Variants in PARD3B observed in about 807,000 individuals in gnomAD.
PARD3B encodes the protein par-3 family cell polarity regulator beta.
A neutral mutation model predicts 130.2 loss-of-function variants in PARD3B; 103 were observed. The ratio of observed to expected loss-of-function variants is 0.79; its 90% confidence interval spans 0.67 to 0.93. PARD3B has a LOEUF of 0.93. Ranked by LOEUF, PARD3B falls within the 40% of genes least tolerant of loss-of-function variation. PARD3B has a pLI of 0.00. For missense variants in PARD3B, 1,609 were observed against 1,499.2 expected (o/e 1.07, Z -1.21); for synonymous variants, 583 against 553.2 (o/e 1.05, Z -0.76).
intron 16 of PARD3B, among the ~76,000 whole-genome samples, chr2:205,279,185 G>T (rs539357592): frequency 6.7e-6 from 1 of 148,276 alleles, no homozygotes; most frequent in Admixed American, 6.8e-5. Context: ...GCCGAAATAA[G>T]TGGTCATGTT....
At chr2:204,994,547 G>T (rs1345675808) in intron 3 of PARD3B, among the ~76,000 whole-genome samples, 3 of 145,370 alleles carry the variant, frequency 2.1e-5, no homozygotes, top group African/African-American at 7.6e-5. Context: ...TGAAAAAAAT[G>T]TATATTCTGT....
chr2:204,969,268 C>T (rs546439518), intron 3 of PARD3B, among the ~76,000 whole-genome samples: 27 of 152,296 alleles, frequency 1.8e-4, no homozygotes, highest in African/African-American at 5.1e-4. Context: ...TCAATGGATG[C>T]TTGATTCTAG....
intron 2 of PARD3B, among the ~76,000 whole-genome samples, chr2:204,737,886 G>A (rs2039828735): frequency 6.6e-6 from 1 of 152,014 alleles, no homozygotes; most frequent in Non-Finnish European, 1.5e-5. Context: ...GTACATATTT[G>A]GCTTTATTTC....
chr2:205,359,727 C>T (rs1279942807), intron 18 of PARD3B, among the ~76,000 whole-genome samples: 1 of 152,082 alleles, frequency 6.6e-6, no homozygotes, highest in Non-Finnish European at 1.5e-5. Context: ...ATATCTCTTT[C>T]ACACAATTTT....
chr2:205,522,314 G>A (rs1197041841), intron 21 of PARD3B, among the ~76,000 whole-genome samples: 605 of 151,364 alleles, frequency 4.0e-3, no homozygotes, highest in African/African-American at 0.014. Flanking sequence ...AAATATTAAA[G>A]ACTTTATTTT....
At chr2:205,472,208 A>G (rs1191360095) in intron 20 of PARD3B, among the ~76,000 whole-genome samples, 1 of 152,186 alleles carries the variant, frequency 6.6e-6, no homozygotes, top group Admixed American at 6.6e-5. Context: ...TCCTCGACCA[A>G]TGAAGTCATG....
intron 3 of PARD3B, among the ~76,000 whole-genome samples, chr2:205,033,325 TAA>T (rs1461026194): frequency 6.6e-6 from 1 of 152,216 alleles, no homozygotes; most frequent in East Asian, 1.9e-4. Context: ...CATATATTTA[TAA>T]GTTACAAATA....
intron 10 of PARD3B, among the ~76,000 whole-genome samples, chr2:205,150,734 T>C (rs939341645): frequency 6.6e-6 from 1 of 152,118 alleles, no homozygotes; most frequent in African/African-American, 2.4e-5. Context: ...TGGAATTTCT[T>C]GAGGGTCAAA....
intron 14 of PARD3B, among the ~76,000 whole-genome samples, chr2:205,192,128 G>A (rs13397997): frequency 0.14 from 20,777 of 152,152 alleles, 1,805 homozygotes; most frequent in East Asian, 0.27. Flanking sequence ...CTTGAAAGCA[G>A]TATTGAATAT....
At chr2:204,763,252 G>C (rs2040988483) in intron 2 of PARD3B, among the ~76,000 whole-genome samples, 2 of 152,178 alleles carry the variant, frequency 1.3e-5, no homozygotes. Flanking sequence ...ACCTAAATCT[G>C]ATTTAGCTAA....
intron 2 of PARD3B, among the ~76,000 whole-genome samples, chr2:204,692,596 C>T (rs374636715): frequency 1.3e-5 from 2 of 151,772 alleles, no homozygotes; most frequent in East Asian, 3.9e-4. Flanking sequence ...ATTTTAAAGC[C>T]ACAATTAAAA....
In PARD3B at chr2:205,591,948, T is replaced by C. The variant is rs147914849; in HGVS notation, c.3261-23508T>C. Among the ~76,000 whole-genome samples, 370 of 152,266 alleles carry C rather than the reference T, an allele frequency of 2.4e-3. 1 individual carries two copies. The highest frequency in any genetic ancestry group is 8.5e-3 in the African/African-American group (355 of 41,570). ...GAACGAAGACACCCAGGCATGGACA[T>C]TAAGATTCAAGGCTAGGATCTCATT... On this transcript the variant is annotated intron_variant, in intron 22 of 22. Coordinates refer to ENST00000406610, the MANE Select transcript of PARD3B (RefSeq NM_001302769.2). This position sits in a 1 kb window ranked among gnomAD's most constrained non-coding sequence, Gnocchi z 4.2.
intron 20 of PARD3B, among the ~76,000 whole-genome samples, chr2:205,479,704 A>T (rs1200448509): frequency 6.6e-6 from 1 of 152,172 alleles, no homozygotes; most frequent in Non-Finnish European, 1.5e-5. Flanking sequence ...CCAGAGATGT[A>T]TTCTAAAACT....
At chr2:205,394,839 G>A (rs1574908482) in intron 18 of PARD3B, among the ~76,000 whole-genome samples, 1 of 152,176 alleles carries the variant, frequency 6.6e-6, no homozygotes, top group Non-Finnish European at 1.5e-5. Context: ...AGGCACTGGA[G>A]GAAGGAGGGA....
intron 2 of PARD3B, among the ~76,000 whole-genome samples, chr2:204,960,124 G>C (rs190716019): frequency 6.6e-6 from 1 of 152,154 alleles, no homozygotes; most frequent in African/African-American, 2.4e-5. Flanking sequence ...AGCTTATGAC[G>C]TGCCTCTTCA....
At chr2:205,092,609 G>C (rs1434153115) in intron 4 of PARD3B, among the ~76,000 whole-genome samples, 8 of 152,132 alleles carry the variant, frequency 5.3e-5, no homozygotes, top group Non-Finnish European at 8.8e-5. Context: ...TTTCTACCTT[G>C]ACCCACGATT....
chr2:205,327,956 A>G (rs531019331), intron 18 of PARD3B, among the ~76,000 whole-genome samples: 1 of 152,314 alleles, frequency 6.6e-6, no homozygotes, highest in South Asian at 2.1e-4. Context: ...TCATTTATAA[A>G]GAATGGATTC....
intron 2 of PARD3B, among the ~76,000 whole-genome samples, chr2:204,933,318 A>G (rs1688165122): frequency 6.6e-6 from 1 of 152,180 alleles, no homozygotes; most frequent in African/African-American, 2.4e-5. Context: ...GCCACAATTA[A>G]TTTACATTTG....
chr2:204,745,839 A>C (rs1341580038), intron 2 of PARD3B, among the ~76,000 whole-genome samples: 1 of 151,838 alleles, frequency 6.6e-6, no homozygotes, highest in Non-Finnish European at 1.5e-5. Context: ...AGCACTATTC[A>C]CTTGCTGAAT....
Sources: allele counts gnomAD v4.1 joint callset (sites outside exome capture counted in the v4.1 genomes callset), GRCh38; gene constraint gnomAD v4.1.1; non-coding constraint Gnocchi (gnomAD v3.1); transcripts MANE v1.5; gene names NCBI Gene and HGNC (gene_info 2026-07-23, HGNC 2026-07-21).